Variants in FNBP1 observed in about 807,000 individuals in gnomAD.
FNBP1 encodes the protein formin binding protein 1.
A neutral mutation model predicts 90.6 loss-of-function variants in FNBP1; 26 were observed. The observed-to-expected ratio is 0.29, with a 90% confidence interval of 0.21 to 0.40. The LOEUF (loss-of-function observed/expected upper bound fraction) is 0.40, where lower values mean the gene tolerates loss of function less well. Among genes scored for constraint, FNBP1 ranks in the 10% least tolerant of loss-of-function variants. FNBP1 has a pLI of 1.00. For missense variants in FNBP1, 635 were observed against 768.0 expected (o/e 0.83, Z 2.05); for synonymous variants, 260 against 265.2 (o/e 0.98, Z 0.19).
chr9:129,940,954 C>G (rs1179098213), intron 6 of FNBP1, among the ~76,000 whole-genome samples: 1 of 151,960 alleles, frequency 6.6e-6, no homozygotes, highest in Non-Finnish European at 1.5e-5. Flanking sequence ...AACAAATCCT[C>G]TAGGAACCCC....
intron 4 of FNBP1, among the ~76,000 whole-genome samples, chr9:129,967,295 C>G (rs1471894396): frequency 6.6e-6 from 1 of 152,162 alleles, no homozygotes; most frequent in African/African-American, 2.4e-5. Context: ...GCAGGCAGAT[C>G]AGCTGAGGAC....
Position 129,923,989 on chromosome 9 carries a change from G to T in FNBP1, c.1025C>A (p.Pro342His). Residue 342 changes from proline (P) to histidine (H), a missense_variant, in exon 10 of 17, where the codon CCT becomes CAT. By Grantham distance (77) the Pro-to-His change is moderately conservative. Transcript: ENST00000446176. The stretch of plus-strand genomic sequence containing the variant: ...GGGTGAGGCAGAGGCAGGAGGGGGA[G>T]GGGGAGGCTGATGGGGGGATGTTAA... ...SLLTSPHQPP[P>H]PPPASASPSA... is the part of the protein sequence containing the mutation. The T allele has an allele frequency of 6.6e-7, 1 of 1,522,098 alleles. No homozygotes were observed. Among genetic ancestry groups the T allele is most frequent in the Non-Finnish European group, 8.8e-7 (1 of 1,137,216 alleles). The allele number at this position is 1,522,098 out of a possible 1,614,324, so 94.3% of individuals were successfully genotyped here.
chr9:129,976,331 A>G (rs992854105), intron 4 of FNBP1, among the ~76,000 whole-genome samples: 1 of 152,160 alleles, frequency 6.6e-6, no homozygotes, highest in African/African-American at 2.4e-5. Context: ...TGAGACAACC[A>G]AAAGTGTCTC....
intron 12 of FNBP1, among the ~76,000 whole-genome samples, chr9:129,903,540 TG>T (rs2037373094): frequency 6.6e-6 from 1 of 152,212 alleles, no homozygotes; most frequent in Admixed American, 6.5e-5. Context: ...TCTTCTCTAA[TG>T]GTTATCTCCT....
chr9:129,930,917 A>C (rs993655673), intron 6 of FNBP1, among the ~76,000 whole-genome samples: 5 of 152,212 alleles, frequency 3.3e-5, no homozygotes, highest in Non-Finnish European at 7.3e-5. Context: ...AGCCAGAAAC[A>C]CAACAGGAAA....
At chr9:129,916,745 A>G (rs2040322715) in intron 10 of FNBP1, among the ~76,000 whole-genome samples, 1 of 152,238 alleles carries the variant, frequency 6.6e-6, no homozygotes, top group Non-Finnish European at 1.5e-5. Context: ...GGAAAGTAAT[A>G]TTTTAATCTT....
intron 1 of FNBP1, among the ~76,000 whole-genome samples, chr9:129,996,697 G>C (rs965225446): frequency 6.6e-6 from 1 of 151,996 alleles, no homozygotes; most frequent in Non-Finnish European, 1.5e-5. Context: ...ACTGTTTTTT[G>C]TTTGTTGGTT....
chr9:129,892,251 T>TAACA (rs1412648566), intron 16 of FNBP1, among the ~76,000 whole-genome samples: 2 of 152,018 alleles, frequency 1.3e-5, no homozygotes. Context: ...TGAAAATATT[T>TAACA]AACAGAGAGC....
chr9:129,960,440 T>C (rs1316735105), intron 4 of FNBP1, among the ~76,000 whole-genome samples: 1 of 150,920 alleles, frequency 6.6e-6, no homozygotes, highest in Non-Finnish European at 1.5e-5. Flanking sequence ...AAATTGCTGC[T>C]ATAAACACTT....
intron 1 of FNBP1, chr9:130,013,926 C>T: frequency 2.2e-6 from 1 of 447,406 alleles, no homozygotes; most frequent in Non-Finnish European, 4.5e-6. Context: ...TTGGACTTTC[C>T]AACCTCTAGA....
chr9:129,974,197 CG>C (rs2049949319), intron 4 of FNBP1, among the ~76,000 whole-genome samples: 1 of 151,638 alleles, frequency 6.6e-6, no homozygotes. Context: ...GAAGGTATGT[CG>C]AAAAAAACTC....
intron 4 of FNBP1, among the ~76,000 whole-genome samples, chr9:129,958,914 T>G (rs538517857): frequency 1.5e-5 from 2 of 129,106 alleles, no homozygotes; most frequent in African/African-American, 5.9e-5. Flanking sequence ...TCCAGGGAGG[T>G]TGACACTGCC....
chr9:130,050,894 A>G, the FNBP1 span, among the ~76,000 whole-genome samples: 1 of 99,284 alleles, frequency 1.0e-5, no homozygotes, highest in Admixed American at 1.4e-4. Context: ...TGGTGCAATC[A>G]TGCTCGCTAA....
intron 1 of FNBP1, among the ~76,000 whole-genome samples, chr9:130,002,119 G>A (rs2054955536): frequency 6.6e-6 from 1 of 151,144 alleles, no homozygotes; most frequent in African/African-American, 2.4e-5. Context: ...GCTTGAACCT[G>A]CGGAGGTTGC....
upstream of FNBP1, among the ~76,000 whole-genome samples, chr9:130,047,599 C>T (rs947491677): frequency 1.3e-5 from 2 of 151,744 alleles, no homozygotes; most frequent in Non-Finnish European, 2.9e-5. Flanking sequence ...GGCAACAGAG[C>T]GAGACTCCAT....
At chr9:130,021,539 A>ATT (rs2057825373) in intron 1 of FNBP1, among the ~76,000 whole-genome samples, 1 of 152,178 alleles carries the variant, frequency 6.6e-6, no homozygotes, top group Admixed American at 6.5e-5. Flanking sequence ...TTTGGTGGAA[A>ATT]TTACTTTGCA....
At chr9:129,921,657 C>T (rs2041132482) in intron 10 of FNBP1, among the ~76,000 whole-genome samples, 1 of 152,208 alleles carries the variant, frequency 6.6e-6, no homozygotes, top group Non-Finnish European at 1.5e-5. Flanking sequence ...AGGTGATCCG[C>T]CCTCCTCGGC....
chr9:130,052,149 C>T, the FNBP1 span, among the ~76,000 whole-genome samples: 2 of 152,188 alleles, frequency 1.3e-5, no homozygotes, highest in South Asian at 4.1e-4. Flanking sequence ...AGTCAGTTTT[C>T]CCTCATTCTT....
intron 6 of FNBP1, among the ~76,000 whole-genome samples, chr9:129,942,341 T>C (rs2044450121): frequency 6.6e-6 from 1 of 152,184 alleles, no homozygotes; most frequent in African/African-American, 2.4e-5. Flanking sequence ...GCTACAGATG[T>C]GTAAATGGAT....
Sources: allele counts gnomAD v4.1 joint callset (sites outside exome capture counted in the v4.1 genomes callset), GRCh38; gene constraint gnomAD v4.1.1; transcripts MANE v1.5; gene names NCBI Gene and HGNC (gene_info 2026-07-23, HGNC 2026-07-21).